LOXHD1: variants seen among roughly 807,000 people sequenced by gnomAD.
The protein encoded by LOXHD1 is lipoxygenase homology PLAT domains 1.
Under a neutral mutation model 248.2 loss-of-function variants are expected in LOXHD1, and 205 were observed. The observed-to-expected ratio is 0.83, with a 90% CI of 0.74 to 0.93. LOXHD1 has a LOEUF of 0.93. Ranked by LOEUF, LOXHD1 falls within the 40% of genes least tolerant of loss-of-function variation. The probability of loss-of-function intolerance (pLI) is 0.00; values close to 1 mark genes in which losing one functional copy is unlikely to be tolerated. For synonymous variants in LOXHD1, 1,113 were observed against 1,162.8 expected (o/e 0.96, Z 0.87); for missense variants, 2,930 against 2,971.6 (o/e 0.99, Z 0.33).
intron 5 of LOXHD1, among the ~76,000 whole-genome samples, chr18:46,611,151 A>G (rs1305252881): frequency 2.0e-5 from 3 of 151,990 alleles, no homozygotes; most frequent in Non-Finnish European, 4.4e-5. Flanking sequence ...TTTCTGCCTT[A>G]CTCTAGAGTC....
At chr18:46,529,370 GA>G in intron 28 of LOXHD1, 39 bp from the exon 29 acceptor site, 2 of 1,508,752 alleles carry the variant, frequency 1.3e-6, no homozygotes, top group African/African-American at 1.4e-5. Flanking sequence ...ACAAAGGGAA[GA>G]AAAGGGTGAC....
At chr18:46,625,223 G>A (rs969596147) in intron 4 of LOXHD1, among the ~76,000 whole-genome samples, 5 of 152,116 alleles carry the variant, frequency 3.3e-5, no homozygotes, top group African/African-American at 7.2e-5. Context: ...AAACCCACAC[G>A]GCCCCATTCC....
chr18:46,477,132 T>C (rs1598792712), downstream of LOXHD1: 3 of 718,036 alleles, frequency 4.2e-6, no homozygotes, highest in African/African-American at 3.5e-5. Context: ...ATACACCATC[T>C]TGATGGCCTC....
At chr18:46,603,755 C>T (rs1229219701) in intron 7 of LOXHD1, among the ~76,000 whole-genome samples, 1 of 152,156 alleles carries the variant, frequency 6.6e-6, no homozygotes, top group African/African-American at 2.4e-5. Flanking sequence ...AGGTACCTAC[C>T]TAGAAGGCCT....
intron 37 of LOXHD1, 71 bp downstream of exon 37, chr18:46,505,767 G>A: frequency 6.7e-7 from 1 of 1,492,826 alleles, no homozygotes; most frequent in Non-Finnish European, 9.1e-7. Flanking sequence ...GTGCTGCCAG[G>A]GAGGGAATAA....
intron 33 of LOXHD1, among the ~76,000 whole-genome samples, 179 bp from the exon 34 acceptor site, chr18:46,518,435 T>C (rs1426321476): frequency 3.3e-5 from 5 of 152,228 alleles, no homozygotes; most frequent in African/African-American, 9.6e-5. Flanking sequence ...CACTCTCTTA[T>C]ATACCCCACT....
At chr18:46,525,884 G>C (rs1568138717) in intron 29 of LOXHD1, among the ~76,000 whole-genome samples, 1 of 152,188 alleles carries the variant, frequency 6.6e-6, no homozygotes, top group Non-Finnish European at 1.5e-5. Flanking sequence ...GAGGGGATGG[G>C]TAATTCCAGC....
At chr18:46,541,731 A>G in intron 25 of LOXHD1, 45 bp downstream of exon 25, 1 of 1,549,128 alleles carries the variant, frequency 6.5e-7, no homozygotes, top group Non-Finnish European at 8.7e-7. Context: ...GTAGCTGGTG[A>G]TGGGGCCCCA....
chr18:46,480,643 G>T (rs182828028), intron 40 of LOXHD1, among the ~76,000 whole-genome samples: 3 of 152,162 alleles, frequency 2.0e-5, no homozygotes, highest in Non-Finnish European at 2.9e-5. Context: ...CTGCTAGAAA[G>T]GGGGGAAGGT....
At chr18:46,551,232 A>G (rs1351414994) in intron 21 of LOXHD1, among the ~76,000 whole-genome samples, 1 of 151,650 alleles carries the variant, frequency 6.6e-6, no homozygotes, top group Non-Finnish European at 1.5e-5. Flanking sequence ...CCTCCCAAGC[A>G]GCTGGGTCTA....
intron 29 of LOXHD1, among the ~76,000 whole-genome samples, chr18:46,527,041 A>G (rs925983164): frequency 2.6e-5 from 4 of 151,902 alleles, no homozygotes; most frequent in African/African-American, 9.7e-5. Context: ...AGCTCCCCTG[A>G]TGGGGCGTCA....
At chr18:46,641,621 C>T (rs2038964044) in intron 3 of LOXHD1, among the ~76,000 whole-genome samples, 1 of 152,144 alleles carries the variant, frequency 6.6e-6, no homozygotes, top group Non-Finnish European at 1.5e-5. Flanking sequence ...ATAACCTGTC[C>T]AAAGTGGCAC....
At chr18:46,587,371 T>G (rs1222353440) in intron 12 of LOXHD1, among the ~76,000 whole-genome samples, 1 of 152,186 alleles carries the variant, frequency 6.6e-6, no homozygotes, top group African/African-American at 2.4e-5. Context: ...TCTGCTTTTT[T>G]AGCTGTAACT....
At chr18:46,640,530 A>C (rs1224945101) in intron 3 of LOXHD1, among the ~76,000 whole-genome samples, 2 of 152,214 alleles carry the variant, frequency 1.3e-5, no homozygotes. Flanking sequence ...CACATGTAAA[A>C]AGATCCAAAG....
chr18:46,580,355 T>C (rs1268560042), intron 12 of LOXHD1, among the ~76,000 whole-genome samples: 2 of 152,224 alleles, frequency 1.3e-5, no homozygotes, highest in Non-Finnish European at 2.9e-5. Flanking sequence ...TTGTGTCTTC[T>C]CTTCAGAACT....
chr18:46,611,567 T>C (rs971529051), intron 5 of LOXHD1, among the ~76,000 whole-genome samples: 9 of 152,228 alleles, frequency 5.9e-5, no homozygotes, highest in Admixed American at 5.2e-4. Context: ...TCCATTATTG[T>C]GTATCTACAA....
In LOXHD1 at chr18:46,545,377, T is replaced by G. The variant is rs1221152376; in HGVS notation, c.3559A>C (p.Lys1187Gln). The G allele has an allele frequency of 1.3e-6, 2 of 1,552,130 alleles. No homozygotes were observed. The highest frequency in any genetic ancestry group is 2.4e-5 in the East Asian group (1 of 40,920). ...FSVTIKTGVK[K>Q]NAGTDANVFI... ...ACATTAGCATCTGTGCCCGCATTCTTCTTAACCCCAGTCTTTATGGTCACT... is the reference window on the plus strand; with the variant it reads ...ACATTAGCATCTGTGCCCGCATTCTGCTTAACCCCAGTCTTTATGGTCACT... Residue 1187 changes from lysine to glutamine, a missense_variant, in exon 23 of 41, where the codon AAG (lysine) becomes CAG (glutamine). Coordinates refer to ENST00000642948, the MANE Select transcript of LOXHD1 (RefSeq NM_001384474.1).
chr18:46,507,217 C>G (rs1271919842), intron 36 of LOXHD1, among the ~76,000 whole-genome samples: 1 of 152,204 alleles, frequency 6.6e-6, no homozygotes, highest in South Asian at 2.1e-4. Flanking sequence ...GTGCATGACA[C>G]TTGGGCGAGG....
chr18:46,480,762 C>T (rs1009460829), intron 40 of LOXHD1, among the ~76,000 whole-genome samples: 1 of 152,088 alleles, frequency 6.6e-6, no homozygotes, highest in African/African-American at 2.4e-5. Context: ...TTAGAAAAAT[C>T]CCAGAGAGAA....
Sources: gnomAD v4.1 joint callset for allele counts (sites outside exome capture counted in the v4.1 genomes callset) on GRCh38, gnomAD v4.1.1 for gene constraint, MANE v1.5 for transcripts, NCBI Gene and HGNC (gene_info 2026-07-23, HGNC 2026-07-21) for gene names.